The following SUMF1 variants were observed in gnomAD, a reference collection of about 807,000 sequenced individuals.
The protein encoded by SUMF1 is sulfatase modifying factor 1.
SUMF1 carries 48 observed loss-of-function variants against 47.6 expected under a neutral mutation model. The ratio of observed to expected loss-of-function variants is 1.01; its 90% CI spans 0.80 to 1.28. The LOEUF is 1.28. SUMF1 is among the 50% of genes most tolerant of loss of function. SUMF1 has a pLI of 0.00. For missense variants in SUMF1, 571 were observed against 485.4 expected, an observed-to-expected ratio of 1.18 and a Z score of -1.66; for synonymous variants, 230 against 192.1, an observed-to-expected ratio of 1.20 and a Z score of -1.63.
At chr3:4,070,929 C>G (rs952547820) in intron 8 of SUMF1, among the ~76,000 whole-genome samples, 5 of 152,112 alleles carry the variant, frequency 3.3e-5, no homozygotes, top group Admixed American at 1.3e-4. Context: ...CCGTGCCTGG[C>G]CTCCTTTCAG....
intron 8 of SUMF1, among the ~76,000 whole-genome samples, chr3:4,114,116 A>G (rs1024957584): frequency 6.6e-6 from 1 of 152,116 alleles, no homozygotes; most frequent in Non-Finnish European, 1.5e-5. Flanking sequence ...AAATTGAGGA[A>G]CCAAATACCT....
intron 9 of SUMF1, among the ~76,000 whole-genome samples, chr3:4,047,678 C>G (rs533677266): frequency 1.3e-5 from 2 of 152,100 alleles, no homozygotes; most frequent in Admixed American, 6.6e-5. Flanking sequence ...TGTTTAGTGA[C>G]TGTCACTATT....
intron 8 of SUMF1, among the ~76,000 whole-genome samples, chr3:4,108,176 G>A (rs144209082): frequency 5.9e-5 from 9 of 151,964 alleles, no homozygotes; most frequent in Non-Finnish European, 7.4e-5. Flanking sequence ...CCTTCATTTC[G>A]TTATGTACCC....
chr3:4,142,839 C>G (rs1224211125), intron 8 of SUMF1, among the ~76,000 whole-genome samples: 1 of 151,948 alleles, frequency 6.6e-6, no homozygotes, highest in Non-Finnish European at 1.5e-5. Context: ...TCCATGGACT[C>G]CAGGTTAAGA....
intron 8 of SUMF1, among the ~76,000 whole-genome samples, chr3:4,346,424 G>A (rs1699375200): frequency 6.6e-6 from 1 of 152,106 alleles, no homozygotes; most frequent in Non-Finnish European, 1.5e-5. Flanking sequence ...GTTCCTGAAT[G>A]ACTCCTGGGT....
chr3:4,426,046 C>T (rs1051138529), intron 3 of SUMF1, among the ~76,000 whole-genome samples: 6 of 152,184 alleles, frequency 3.9e-5, no homozygotes, highest in African/African-American at 1.4e-4. Flanking sequence ...CCGGGTCCCT[C>T]CCATGACACG....
At chr3:4,087,114 T>C (rs1451578440) in intron 8 of SUMF1, among the ~76,000 whole-genome samples, 3 of 152,166 alleles carry the variant, frequency 2.0e-5, no homozygotes, top group Non-Finnish European at 4.4e-5. Context: ...ATAATGATTC[T>C]ATGGCGCTGA....
chr3:4,460,618 G>T (rs1251190282), intron 1 of SUMF1, among the ~76,000 whole-genome samples: 1 of 148,810 alleles, frequency 6.7e-6, no homozygotes, highest in African/African-American at 2.5e-5. Flanking sequence ...GTGTGTGTGT[G>T]TGTGTGAGAG....
intron 8 of SUMF1, among the ~76,000 whole-genome samples, chr3:4,120,294 A>G (rs898662009): frequency 1.3e-5 from 2 of 152,170 alleles, no homozygotes; most frequent in African/African-American, 2.4e-5. Context: ...AGGACACACA[A>G]TAAATTTTGT....
At chr3:4,220,051 G>C (rs1217823615) in intron 8 of SUMF1, among the ~76,000 whole-genome samples, 1 of 152,152 alleles carries the variant, frequency 6.6e-6, no homozygotes, top group Non-Finnish European at 1.5e-5. Flanking sequence ...GGGAGGGAAA[G>C]AGTAAACATG....
chr3:4,308,726 C>T (rs984774853), intron 8 of SUMF1, among the ~76,000 whole-genome samples: 4 of 152,322 alleles, frequency 2.6e-5, no homozygotes, highest in Admixed American at 2.6e-4. Context: ...AGTTCAAGAC[C>T]ATAGTCACAG....
At position 4,420,230 on chromosome 3, in the gene SUMF1, T is replaced by G; in HGVS notation, c.520-84A>C. On this transcript the variant is annotated intron_variant, in intron 3 of 8. Coordinates refer to ENST00000272902, the MANE Select transcript of SUMF1 (RefSeq NM_182760.4). ...CAACTCAGTACATGCAGCAAAAATCTCAATGTCTTCAACTTCCATTTGGAT... is the reference window on the plus strand; with the variant it reads ...CAACTCAGTACATGCAGCAAAAATCGCAATGTCTTCAACTTCCATTTGGAT... 4.0e-6 allele frequency: 4 copies of G among 994,806 alleles called. No individual in the cohort carries two copies. The South Asian group carries it at 5.2e-5, about 13-fold the overall frequency. The allele number at this position is 994,806 out of a possible 1,614,324, so 61.6% of individuals were successfully genotyped here.
At chr3:4,166,759 CT>C (rs1349588271) in intron 8 of SUMF1, among the ~76,000 whole-genome samples, 2 of 152,076 alleles carry the variant, frequency 1.3e-5, no homozygotes, top group African/African-American at 4.8e-5. Flanking sequence ...GGCCAACCAA[CT>C]TTTTTTCGGG....
At chr3:4,431,035 C>T (rs1702216780) in intron 3 of SUMF1, among the ~76,000 whole-genome samples, 1 of 152,210 alleles carries the variant, frequency 6.6e-6, no homozygotes, top group South Asian at 2.1e-4. Flanking sequence ...AAAGCATCCC[C>T]TCTATAGTGT....
intron 8 of SUMF1, among the ~76,000 whole-genome samples, chr3:4,237,050 C>T (rs577814211): frequency 6.6e-6 from 1 of 152,170 alleles, no homozygotes; most frequent in East Asian, 1.9e-4. Context: ...AAGTTTCCTC[C>T]ATGTCTTTTC....
intron 8 of SUMF1, among the ~76,000 whole-genome samples, chr3:4,153,048 C>T (rs778063771): frequency 6.6e-5 from 10 of 151,600 alleles, no homozygotes; most frequent in East Asian, 3.9e-4. Context: ...GAACTGCAAG[C>T]GAGCTCTCAG....
chr3:4,129,446 T>C (rs1574908775), intron 8 of SUMF1, among the ~76,000 whole-genome samples: 2 of 152,162 alleles, frequency 1.3e-5, no homozygotes, highest in Non-Finnish European at 2.9e-5. Context: ...AGCAGAAAAC[T>C]TCTAGATCAA....
chr3:4,328,874 T>A (rs138553558), intron 8 of SUMF1, among the ~76,000 whole-genome samples: 3 of 152,224 alleles, frequency 2.0e-5, no homozygotes, highest in Non-Finnish European at 4.4e-5. Flanking sequence ...GATAGCTACT[T>A]CCTAGATACA....
chr3:4,200,327 T>G (rs1363879181), intron 8 of SUMF1, among the ~76,000 whole-genome samples: 1 of 151,994 alleles, frequency 6.6e-6, no homozygotes, highest in East Asian at 1.9e-4. Context: ...TGTGAGTCAG[T>G]GAATTCAGTG....
Sources: gnomAD v4.1 joint callset for allele counts (sites outside exome capture counted in the v4.1 genomes callset) on GRCh38, gnomAD v4.1.1 for gene constraint, MANE v1.5 for transcripts, NCBI Gene and HGNC (gene_info 2026-07-23, HGNC 2026-07-21) for gene names.